RPAP3: variants seen among roughly 807,000 people sequenced by gnomAD.
RPAP3 encodes the protein RNA polymerase II-associated protein 3.
A neutral mutation model predicts 88.8 loss-of-function variants in RPAP3; 58 were observed. The ratio of observed to expected loss-of-function variants is 0.65; its 90% CI spans 0.53 to 0.81. RPAP3 has a LOEUF of 0.81. Among genes scored for constraint, RPAP3 ranks in the 40% least tolerant of loss-of-function variants. The pLI is 0.00. For missense variants in RPAP3, 751 were observed against 764.3 expected (o/e 0.98, Z 0.20); for synonymous variants, 255 against 259.9 (o/e 0.98, Z 0.18).
chr12:47,697,456 A>G (rs1357083657), intron 4 of RPAP3, 141 bp downstream of exon 4: 1 of 660,066 alleles, frequency 1.5e-6, no homozygotes, highest in East Asian at 3.1e-5. Context: ...CCATGTTACA[A>G]TGCCTCCAGA....
intron 8 of RPAP3, 35 bp from the exon 9 acceptor site, chr12:47,686,942 A>G: frequency 7.6e-7 from 1 of 1,317,874 alleles, no homozygotes; most frequent in Non-Finnish European, 1.0e-6. Flanking sequence ...AGAATAAAAA[A>G]AAAATTTCAA....
intron 12 of RPAP3, among the ~76,000 whole-genome samples, chr12:47,670,989 C>T (rs895134143): frequency 6.6e-6 from 1 of 152,172 alleles, no homozygotes. Flanking sequence ...TATATAGCAG[C>T]TGGATAAAAC....
Position 47,679,716 on chromosome 12 carries a change from G to T in RPAP3, c.1173C>A (p.Ser391=). The change falls in exon 11 of 17, where the codon TCC becomes TCA. Residue 391 remains serine (S), a synonymous_variant. Transcript: ENST00000005386. ...PGNKQAVTEL[S]KIKKELIEKG... is the part of the protein sequence containing the mutation. ...AAGAATACATTACCTTTTTAATTTT[G>T]GAGAGTTCAGTTACTGCTTGCTTAT... is the stretch of plus-strand genomic sequence containing the variant. 1 of 1,603,834 alleles carries T rather than the reference G, an allele frequency of 6.2e-7. No homozygotes were observed. The highest frequency in any genetic ancestry group is 1.1e-5 in the South Asian group (1 of 88,582).
At chr12:47,672,377 G>A (rs566432225) in intron 12 of RPAP3, among the ~76,000 whole-genome samples, 27 of 152,252 alleles carry the variant, frequency 1.8e-4, no homozygotes, top group African/African-American at 6.5e-4. Context: ...TGACCAGGTG[G>A]TGTCACAAAT....
chr12:47,669,962 A>C, intron 13 of RPAP3, 145 bp downstream of exon 13: 1 of 591,612 alleles, frequency 1.7e-6, no homozygotes, highest in South Asian at 2.5e-5. Context: ...CAATAAGTAC[A>C]AACAAAAAAG....
At position 47,679,799 on chromosome 12, in the gene RPAP3, T is replaced by C. The variant is rs1181574903; in HGVS notation, c.1115-25A>G. 5 of 1,468,228 alleles carry C rather than the reference T, an allele frequency of 3.4e-6. No individual in the cohort carries two copies. The South Asian group carries it at 4.8e-5, about 14-fold the overall frequency. The allele number at this position is 1,468,228 out of a possible 1,614,324, so 91.0% of individuals were successfully genotyped here. On this transcript the variant is annotated intron_variant, in intron 10 of 16. Transcript: ENST00000005386. The stretch of plus-strand genomic sequence containing the variant: ...TCTAAAGCGAATTTTTTAAAAACAT[T>C]ACAACATAGTTAAAATGTGGAGTTT...
At position 47,661,891 on chromosome 12, in the gene RPAP3, C is replaced by T. The variant is rs1230387873; in HGVS notation, c.*1614G>A. On this transcript the variant is annotated 3_prime_UTR_variant, in exon 17 of 17. Transcript: ENST00000005386. ...TGTAAGTTTCTTCAAAGGATCATAC[C>T]GTAGTCCATTCGGGTTGCTATAATA... The T allele has an allele frequency of 6.6e-6, 1 of 152,120 alleles. No individual in the cohort carries two copies. The highest frequency in any genetic ancestry group is 6.6e-5 in the Admixed American group (1 of 15,262). The allele number at this position is 152,120 out of a possible 1,614,324, so 9.4% of individuals were successfully genotyped here. A position where few individuals can be genotyped will look rare whatever the true frequency, so the allele number is the denominator to read the frequency against.
rs2082151108 is a variant in RPAP3 at position 47,690,772 on chromosome 12, TC to T, written c.546-134del. ...CTGAAGGCATTTTTCCCACCTGCTT[TC>T]AGTTAATTAAGCATAATAAAAGCAA... On this transcript the variant is annotated intron_variant, in intron 5 of 16. Transcript: ENST00000005386. 1.3e-5 allele frequency: 7 copies of T among 532,180 alleles called. No individual in the cohort carries two copies. In the African/African-American group the frequency reaches 1.4e-4, roughly 10 times the overall value. The allele number at this position is 532,180 out of a possible 1,614,324, so 33.0% of individuals were successfully genotyped here. A position where few individuals can be genotyped will look rare whatever the true frequency, so the allele number is the denominator to read the frequency against.
intron 9 of RPAP3, among the ~76,000 whole-genome samples, chr12:47,683,840 G>A (rs899374819): frequency 6.6e-6 from 1 of 152,124 alleles, no homozygotes; most frequent in African/African-American, 2.4e-5. Context: ...TGGCTCTAGT[G>A]TAAATGCCGC....
At chr12:47,694,079 T>G (rs1939477282) in intron 5 of RPAP3, among the ~76,000 whole-genome samples, 2 of 152,242 alleles carry the variant, frequency 1.3e-5, no homozygotes, top group Admixed American at 1.3e-4. Context: ...GGGAAGATGA[T>G]TCTAAAAGTT....
At chr12:47,680,364 G>A (rs921398990) in intron 10 of RPAP3, among the ~76,000 whole-genome samples, 2 of 152,070 alleles carry the variant, frequency 1.3e-5, no homozygotes, top group African/African-American at 4.8e-5. Flanking sequence ...ACAAAGTTCT[G>A]GTGATGGACA....
chr12:47,662,090 T>C lies in RPAP3; in HGVS notation c.*1415A>G, dbSNP rs559359523. Reference sequence around the variant, plus strand: ...TCTTATGTGTCCTTACATGGTGTAATTGGTGAACAAGCTCTCTGGGGCCTC... The same window carrying C: ...TCTTATGTGTCCTTACATGGTGTAACTGGTGAACAAGCTCTCTGGGGCCTC... On this transcript the variant is annotated 3_prime_UTR_variant, in exon 17 of 17. Coordinates refer to ENST00000005386, the MANE Select transcript of RPAP3 (RefSeq NM_024604.3). The C allele has an allele frequency of 1.3e-5, 2 of 152,294 alleles. No individual in the cohort carries two copies. The highest frequency in any genetic ancestry group is 4.2e-4 in the South Asian group (2 of 4,812). The allele number at this position is 152,294 out of a possible 1,614,324, so 9.4% of individuals were successfully genotyped here.
intron 5 of RPAP3, among the ~76,000 whole-genome samples, chr12:47,693,030 C>T (rs936865536): frequency 5.3e-5 from 8 of 152,146 alleles, no homozygotes; most frequent in African/African-American, 1.9e-4. Context: ...TAGGCATGCG[C>T]CACCACACCT....
Position 47,681,818 on chromosome 12 carries a change from C to T in RPAP3, c.993-1G>A. 6.3e-7 allele frequency: 1 copy of T among 1,584,200 alleles called. No homozygotes were observed. Among genetic ancestry groups the T allele is most frequent in the African/African-American group, 1.4e-5 (1 of 73,272 alleles). On this transcript the variant is annotated splice_acceptor_variant, in intron 9 of 16. Coordinates refer to ENST00000005386, the MANE Select transcript of RPAP3 (RefSeq NM_024604.3). LOFTEE classifies it high-confidence loss of function. Reference sequence around the variant, plus strand: ...GCAGTCTTTTTCAGCTTCTTCATATCTATTGAACATGATAAAATTACTGAC... The same window carrying T: ...GCAGTCTTTTTCAGCTTCTTCATATTTATTGAACATGATAAAATTACTGAC...
rs573655953 is a variant in RPAP3, at chr12:47,685,992, C to T, written c.992+788G>A. On this transcript the variant is annotated intron_variant, in intron 9 of 16. Coordinates refer to ENST00000005386, the MANE Select transcript of RPAP3 (RefSeq NM_024604.3). ...AACTATATTTTGATATAATTGGTTT[C>T]CTTTGTAATCCTAGTTGTACAGTTA... 5.9e-5 allele frequency among the ~76,000 whole-genome samples: 9 copies of T among 152,226 alleles called. No individual in the cohort carries two copies. In the East Asian group the frequency reaches 1.7e-3, roughly 29 times the overall value.
intron 6 of RPAP3, among the ~76,000 whole-genome samples, chr12:47,690,235 A>T (rs1442955999): frequency 6.6e-6 from 1 of 152,202 alleles, no homozygotes; most frequent in Non-Finnish European, 1.5e-5. Flanking sequence ...AGCCAACAAG[A>T]CATATTAATG....
In RPAP3 at chr12:47,692,873, TTTTG is replaced by T. The variant is rs1311073126; in HGVS notation, c.546-2238_546-2235del. Among the ~76,000 whole-genome samples the T allele has an allele frequency of 7.2e-5, 11 of 152,088 alleles. No individual in the cohort carries two copies. The East Asian group carries it at 7.7e-4, about 11-fold the overall frequency. ...TGAATACTTATATGCCACTGTAGGG[TTTTG>T]TTTGTTTGTTTGTTTGCTTTGAGAC... is the stretch of plus-strand genomic sequence containing the variant. On this transcript the variant is annotated intron_variant, in intron 5 of 16. Coordinates refer to ENST00000005386, the MANE Select transcript of RPAP3 (RefSeq NM_024604.3).
intron 12 of RPAP3, among the ~76,000 whole-genome samples, chr12:47,672,098 G>A (rs1343294931): frequency 6.6e-6 from 1 of 152,008 alleles, no homozygotes; most frequent in African/African-American, 2.4e-5. Context: ...AAAAAAAAAG[G>A]AAATAAAGCA....
chr12:47,668,848 T>C (rs1308565563), intron 14 of RPAP3, 68 bp downstream of exon 14: 1 of 1,204,480 alleles, frequency 8.3e-7, no homozygotes, highest in Non-Finnish European at 1.2e-6. Flanking sequence ...ACGGCACCAT[T>C]ATTATAAAGT....
Sources: allele counts gnomAD v4.1 joint callset (sites outside exome capture counted in the v4.1 genomes callset), GRCh38; gene constraint gnomAD v4.1.1; transcripts MANE v1.5; gene names NCBI Gene and HGNC (gene_info 2026-07-23, HGNC 2026-07-21).